Variants in KCNQ3 observed in about 807,000 individuals in gnomAD.
The protein encoded by KCNQ3 is potassium voltage-gated channel subfamily Q member 3.
KCNQ3 carries 30 observed loss-of-function variants against 92.5 expected under a neutral mutation model. The observed-to-expected ratio is 0.32, with a 90% confidence interval of 0.24 to 0.44. The LOEUF is 0.44. Ranked by LOEUF, KCNQ3 falls within the 20% of genes least tolerant of loss-of-function variation. The probability of loss-of-function intolerance (pLI) is 1.00; values close to 1 mark genes in which losing one functional copy is unlikely to be tolerated. For missense variants in KCNQ3, 913 were observed against 1,140.3 expected, an observed-to-expected ratio of 0.80 and a Z score of 2.87; for synonymous variants, 450 against 468.8, an observed-to-expected ratio of 0.96 and a Z score of 0.52.
intron 9 of KCNQ3, among the ~76,000 whole-genome samples, chr8:132,149,758 T>C (rs1246434539): frequency 2.0e-5 from 3 of 152,116 alleles, no homozygotes; most frequent in Admixed American, 6.5e-5. Context: ...ATGGCTGTAG[T>C]GTGTGCCTCA....
At chr8:132,191,826 G>C (rs759488977) in intron 1 of KCNQ3, among the ~76,000 whole-genome samples, 2 of 151,952 alleles carry the variant, frequency 1.3e-5, no homozygotes, top group East Asian at 3.9e-4. Context: ...CCTGGCAGGA[G>C]TTGTGACTAA....
chr8:132,193,617 C>T (rs1221873755), intron 1 of KCNQ3, among the ~76,000 whole-genome samples: 1 of 152,240 alleles, frequency 6.6e-6, no homozygotes, highest in Non-Finnish European at 1.5e-5. Context: ...GCCAGCCAAA[C>T]ATCCCCTCAC....
At chr8:132,215,230 G>C (rs1813991477) in intron 1 of KCNQ3, among the ~76,000 whole-genome samples, 1 of 152,192 alleles carries the variant, frequency 6.6e-6, no homozygotes, top group Admixed American at 6.5e-5. Flanking sequence ...CCTGAAAAAT[G>C]GGATTAATAA....
At chr8:132,145,776 AG>A (rs1391867979) in intron 9 of KCNQ3, among the ~76,000 whole-genome samples, 6 of 152,256 alleles carry the variant, frequency 3.9e-5, no homozygotes, top group Non-Finnish European at 7.3e-5. Context: ...AGGGTGGCTC[AG>A]GAAGGCATCT....
chr8:132,457,858 G>A lies in KCNQ3; in HGVS notation c.386+22289C>T, dbSNP rs140365693. Among the ~76,000 whole-genome samples the A allele has an allele frequency of 1.9e-3, 284 of 152,310 alleles. 2 individuals are homozygous for A. The highest frequency in any genetic ancestry group is 3.2e-3 in the Non-Finnish European group (221 of 68,022). ...TTACCAACGAAGAATTTGAGGCTTAGGAAGGTTAGCAACTTTCTGGAGGTG... is the reference window on the plus strand; with the variant it reads ...TTACCAACGAAGAATTTGAGGCTTAAGAAGGTTAGCAACTTTCTGGAGGTG... On this transcript the variant is annotated intron_variant, in intron 1 of 14. Coordinates refer to ENST00000388996, the MANE Select transcript of KCNQ3 (RefSeq NM_004519.4).
At chr8:132,138,081 G>A in intron 11 of KCNQ3, 65 bp from the exon 12 acceptor site, 8 of 1,566,282 alleles carry the variant, frequency 5.1e-6, no homozygotes, top group Non-Finnish European at 7.0e-6. Flanking sequence ...ATAACAGAAG[G>A]CTAGCAAACT....
At position 132,227,822 on chromosome 8, in the gene KCNQ3, A is replaced by C. The variant is rs145247614; in HGVS notation, c.387-41641T>G. ...GAGAAGGAACCAAATGGCAATTAGA[A>C]CCACGATCAATGGGAAGAGGTAGTC... is the stretch of plus-strand genomic sequence containing the variant. On this transcript the variant is annotated intron_variant, in intron 1 of 14. Transcript: ENST00000388996. Among the ~76,000 whole-genome samples, 10 of 152,286 alleles carry C rather than the reference A, an allele frequency of 6.6e-5. No individual in the cohort carries two copies. In the East Asian group the frequency reaches 1.9e-3, roughly 29 times the overall value.
chr8:132,143,809 A>G (rs764022781), intron 9 of KCNQ3, among the ~76,000 whole-genome samples: 1 of 89,340 alleles, frequency 1.1e-5, no homozygotes, highest in Admixed American at 1.4e-4. Flanking sequence ...CTGGGCCACA[A>G]ATAAAGGTTT....
intron 1 of KCNQ3, among the ~76,000 whole-genome samples, chr8:132,434,223 A>T (rs973448169): frequency 1.4e-5 from 2 of 141,498 alleles, no homozygotes; most frequent in African/African-American, 5.2e-5. Context: ...AAAAAAAAAA[A>T]AAAATAATAA....
chr8:132,274,394 C>A (rs999753084), intron 1 of KCNQ3, among the ~76,000 whole-genome samples: 4 of 152,188 alleles, frequency 2.6e-5, no homozygotes, highest in Non-Finnish European at 1.5e-5. Context: ...TTACCTCCCA[C>A]TGGGTCCCTC....
chr8:132,365,697 A>G (rs1393478261), intron 1 of KCNQ3, among the ~76,000 whole-genome samples: 3 of 152,362 alleles, frequency 2.0e-5, no homozygotes, highest in Non-Finnish European at 4.4e-5. Context: ...CTGGAACAAA[A>G]TAAGTATTTG....
chr8:132,450,125 G>C (rs1233522373), intron 1 of KCNQ3, among the ~76,000 whole-genome samples: 1 of 152,172 alleles, frequency 6.6e-6, no homozygotes, highest in Non-Finnish European at 1.5e-5. Context: ...AGCATGGAAG[G>C]GGACCCGAGT....
At chr8:132,404,198 A>T (rs1423603697) in intron 1 of KCNQ3, among the ~76,000 whole-genome samples, 2 of 152,332 alleles carry the variant, frequency 1.3e-5, no homozygotes, top group East Asian at 3.9e-4. Flanking sequence ...TCGTGGTTCT[A>T]GATGGAAAGA....
In KCNQ3 at chr8:132,126,583, TA is replaced by T. The variant is rs1314736406; in HGVS notation, c.*2678del. 1 of 152,118 alleles carries T rather than the reference TA, an allele frequency of 6.6e-6. No individual in the cohort carries two copies. Among genetic ancestry groups the T allele is most frequent in the African/African-American group, 2.4e-5 (1 of 41,426 alleles). The allele number at this position is 152,118 out of a possible 1,614,324, so 9.4% of individuals were successfully genotyped here. A position where few individuals can be genotyped will look rare whatever the true frequency, so the allele number is the denominator to read the frequency against. ...AAGGTTCTTATTATTTATTCATTCA[TA>T]AAACATGTATTTTGTCTATGTCTAT... is the stretch of plus-strand genomic sequence containing the variant. On this transcript the variant is annotated 3_prime_UTR_variant, in exon 15 of 15. Transcript: ENST00000388996.
At chr8:132,140,045 A>T (rs886889031) in intron 11 of KCNQ3, 31 bp downstream of exon 11, 35 of 1,462,944 alleles carry the variant, frequency 2.4e-5, no homozygotes, top group Non-Finnish European at 3.3e-5. Flanking sequence ...GGGGAGGCAC[A>T]CAGGCACAGG....
At chr8:132,172,473 G>A (rs1166956852) in intron 7 of KCNQ3, 125 bp downstream of exon 7, 1 of 845,624 alleles carries the variant, frequency 1.2e-6, no homozygotes, top group Non-Finnish European at 2.0e-6. Context: ...GGAATCCTGG[G>A]TCCTGTCCCA....
At chr8:132,291,890 G>A (rs187350816) in intron 1 of KCNQ3, among the ~76,000 whole-genome samples, 1 of 152,190 alleles carries the variant, frequency 6.6e-6, no homozygotes, top group East Asian at 1.9e-4. Flanking sequence ...TCCATAAGTT[G>A]CAGATAACAG....
At chr8:132,340,336 C>T (rs1401292822) in intron 1 of KCNQ3, among the ~76,000 whole-genome samples, 2 of 152,132 alleles carry the variant, frequency 1.3e-5, no homozygotes, top group African/African-American at 4.8e-5. Context: ...GGACTATTTA[C>T]AATAGCAAAG....
intron 1 of KCNQ3, among the ~76,000 whole-genome samples, chr8:132,300,589 T>A (rs1233572751): frequency 6.6e-6 from 1 of 152,132 alleles, no homozygotes; most frequent in Non-Finnish European, 1.5e-5. Context: ...CAGGACTCTG[T>A]ACCCATAGCA....
Sources: gnomAD v4.1 joint callset for allele counts (sites outside exome capture counted in the v4.1 genomes callset) on GRCh38, gnomAD v4.1.1 for gene constraint, MANE v1.5 for transcripts, NCBI Gene and HGNC (gene_info 2026-07-23, HGNC 2026-07-21) for gene names.